The following MAP3K2 variants were observed in gnomAD, a reference collection of about 807,000 sequenced individuals.
The protein encoded by MAP3K2 is MAP/ERK kinase kinase 2.
Under a neutral mutation model 80.3 loss-of-function variants are expected in MAP3K2, and 24 were observed. The ratio of observed to expected loss-of-function variants is 0.30; its 90% CI spans 0.22 to 0.42. MAP3K2 has a LOEUF of 0.42. Among genes scored for constraint, MAP3K2 ranks in the 10% least tolerant of loss-of-function variants. The probability of loss-of-function intolerance (pLI) is 1.00; values close to 1 mark genes in which losing one functional copy is unlikely to be tolerated. For missense variants in MAP3K2, 608 were observed against 750.1 expected (o/e 0.81, Z 2.21); for synonymous variants, 244 against 253.7 (o/e 0.96, Z 0.36).
chr2:127,380,982 A>G (rs1041581450), intron 1 of MAP3K2, among the ~76,000 whole-genome samples: 1 of 152,226 alleles, frequency 6.6e-6, no homozygotes, highest in South Asian at 2.1e-4. Flanking sequence ...TGTTTACTAA[A>G]GCAATCACTA....
intron 1 of MAP3K2, among the ~76,000 whole-genome samples, chr2:127,365,841 C>T (rs1289683572): frequency 6.6e-6 from 1 of 152,216 alleles, no homozygotes; most frequent in Non-Finnish European, 1.5e-5. Flanking sequence ...TGGAGTTTCT[C>T]CCACAGCTGT....
intron 7 of MAP3K2, among the ~76,000 whole-genome samples, chr2:127,327,639 C>T (rs758120255): frequency 1.3e-5 from 2 of 151,532 alleles, no homozygotes; most frequent in Admixed American, 6.6e-5. Flanking sequence ...CGTATGCCAA[C>T]GCACTCTTGG....
intron 1 of MAP3K2, among the ~76,000 whole-genome samples, chr2:127,379,807 A>C (rs1486543844): frequency 2.0e-5 from 3 of 152,254 alleles, no homozygotes; most frequent in African/African-American, 7.2e-5. Context: ...CCTGAGTTCA[A>C]GTCCTAGCTC....
chr2:127,325,320 C>T (rs924030586), intron 9 of MAP3K2, among the ~76,000 whole-genome samples: 1 of 152,068 alleles, frequency 6.6e-6, no homozygotes, highest in African/African-American at 2.4e-5. Context: ...GAATGTAGCA[C>T]AAAAAAGTTA....
At chr2:127,351,373 A>C (rs1035828530) in intron 1 of MAP3K2, among the ~76,000 whole-genome samples, 1 of 152,158 alleles carries the variant, frequency 6.6e-6, no homozygotes, top group African/African-American at 2.4e-5. Flanking sequence ...ACTCTCAAAT[A>C]ATCAAAACAA....
intron 1 of MAP3K2, among the ~76,000 whole-genome samples, chr2:127,383,395 T>C (rs1484606877): frequency 3.3e-5 from 5 of 152,236 alleles, no homozygotes; most frequent in Non-Finnish European, 5.9e-5. Context: ...CTTATAGAGA[T>C]CTGTTACCTC....
At chr2:127,317,866 C>A in intron 13 of MAP3K2, 106 bp from the exon 14 acceptor site, 1 of 1,054,196 alleles carries the variant, frequency 9.5e-7, no homozygotes, top group Non-Finnish European at 1.4e-6. Context: ...TTTTAGTTCC[C>A]AAGTAATAAA....
intron 1 of MAP3K2, among the ~76,000 whole-genome samples, chr2:127,385,873 A>C (rs1056643310): frequency 6.6e-6 from 1 of 152,260 alleles, no homozygotes; most frequent in Admixed American, 6.5e-5. Context: ...CATTGCTTAT[A>C]AGACTCAGTC....
At chr2:127,316,982 A>C (rs966787476) in intron 14 of MAP3K2, 7 of 152,140 alleles carry the variant, frequency 4.6e-5, no homozygotes, top group Non-Finnish European at 5.9e-5. Context: ...ATATAACTAA[A>C]ATTATAAAAA....
intron 1 of MAP3K2, among the ~76,000 whole-genome samples, chr2:127,382,924 T>G (rs1518760): frequency 0.33 from 49,465 of 152,072 alleles, 8,573 homozygotes; most frequent in African/African-American, 0.41. Context: ...ACCTCAGGCT[T>G]GGTAATTTAT....
intron 1 of MAP3K2, among the ~76,000 whole-genome samples, chr2:127,354,981 T>G (rs1433369130): frequency 6.6e-6 from 1 of 152,074 alleles, no homozygotes; most frequent in African/African-American, 2.4e-5. Context: ...AGAAAAAGAT[T>G]AGTAAACACA....
At chr2:127,333,274 CAT>C (rs972179535) in intron 5 of MAP3K2, among the ~76,000 whole-genome samples, 39 of 133,550 alleles carry the variant, frequency 2.9e-4, no homozygotes, top group African/African-American at 1.1e-3. Context: ...AACCAACCCT[CAT>C]AACACACACA....
rs2104801524 is a variant in MAP3K2, at chr2:127,306,791, TC to T, written c.*787del. ...GCTCACACATTTGATAAGAGTGATG[TC>T]CTTTTGTCTTTTATTTCTATTTGCT... On this transcript the variant is annotated 3_prime_UTR_variant, in exon 17 of 17. Transcript: ENST00000682094. This position sits in a 1 kb window ranked among gnomAD's most constrained non-coding sequence, Gnocchi z 4.7. 6.6e-6 allele frequency: 1 copy of T among 152,582 alleles called. No individual in the cohort carries two copies. The highest frequency in any genetic ancestry group is 2.4e-5 in the African/African-American group (1 of 41,538). The allele number at this position is 152,582 out of a possible 1,614,324, so 9.5% of individuals were successfully genotyped here.
chr2:127,374,817 A>G (rs1465609648), intron 1 of MAP3K2, among the ~76,000 whole-genome samples: 1 of 152,146 alleles, frequency 6.6e-6, no homozygotes, highest in East Asian at 1.9e-4. Flanking sequence ...AATTTCAACA[A>G]TTTTGTCACA....
intron 14 of MAP3K2, among the ~76,000 whole-genome samples, chr2:127,315,303 T>C (rs116261145): frequency 0.014 from 2,124 of 152,344 alleles, 48 homozygotes; most frequent in African/African-American, 0.047. Context: ...ATGTATAAGT[T>C]TGATTAATAA....
At chr2:127,361,262 A>T (rs11888589) in intron 1 of MAP3K2, among the ~76,000 whole-genome samples, 1 of 147,788 alleles carries the variant, frequency 6.8e-6, no homozygotes, top group African/African-American at 2.5e-5. Flanking sequence ...GCAGTGGGTG[A>T]AGATCACACC....
At position 127,387,635 on chromosome 2, in the gene MAP3K2, C is replaced by G. The variant is rs1027026420; in HGVS notation, c.-249G>C. ...GGGCCTTGGGGCCAGGCCCGTCCCTCTTTCACATGAAGCCCGGGCCGGGCG... is the reference window on the plus strand; with the variant it reads ...GGGCCTTGGGGCCAGGCCCGTCCCTGTTTCACATGAAGCCCGGGCCGGGCG... On this transcript the variant is annotated 5_prime_UTR_variant, in exon 1 of 17. Transcript: ENST00000682094. The G allele has an allele frequency of 6.1e-6, 6 of 984,950 alleles. No homozygotes were observed. The highest frequency in any genetic ancestry group is 7.2e-6 in the Non-Finnish European group (6 of 829,798). 61.0% of individuals were successfully genotyped at this position (984,950 alleles called of 1,614,324 possible).
At chr2:127,334,320 A>G (rs1686322148) in intron 5 of MAP3K2, among the ~76,000 whole-genome samples, 1 of 152,236 alleles carries the variant, frequency 6.6e-6, no homozygotes, top group Non-Finnish European at 1.5e-5. Context: ...GTCTTAATGT[A>G]TCTTGGCATT....
intron 1 of MAP3K2, among the ~76,000 whole-genome samples, chr2:127,385,719 T>C (rs975872505): frequency 6.6e-6 from 1 of 152,070 alleles, no homozygotes; most frequent in African/African-American, 2.4e-5. Context: ...TAGCTCCAAT[T>C]CTATAGGGAA....
Sources: allele counts gnomAD v4.1 joint callset (sites outside exome capture counted in the v4.1 genomes callset), GRCh38; gene constraint gnomAD v4.1.1; non-coding constraint Gnocchi (gnomAD v3.1); transcripts MANE v1.5; gene names NCBI Gene and HGNC (gene_info 2026-07-23, HGNC 2026-07-21).